The following SMAD7 variants were observed in gnomAD, a reference collection of about 807,000 sequenced individuals.
SMAD7 encodes the protein MAD (mothers against decapentaplegic, Drosophila) homolog 7.
A neutral mutation model predicts 38.7 loss-of-function variants in SMAD7; 8 were observed. That is an observed-to-expected ratio of 0.21 (90% CI 0.12 to 0.37). The LOEUF is 0.37. SMAD7 is among the 10% of genes least tolerant of loss of function. SMAD7 has a pLI of 1.00. For synonymous variants in SMAD7, 327 were observed against 265.1 expected (o/e 1.23, Z -2.27); for missense variants, 477 against 577.9 (o/e 0.83, Z 1.79).
At chr18:48,939,028 T>C (rs1234431861) in intron 3 of SMAD7, among the ~76,000 whole-genome samples, 1 of 152,154 alleles carries the variant, frequency 6.6e-6, no homozygotes, top group Non-Finnish European at 1.5e-5. Flanking sequence ...GAGGCCGCCC[T>C]GACATCAACC....
In SMAD7 at chr18:48,949,363, T is replaced by G. The variant is rs78673571; in HGVS notation, c.613+449A>C. 3.0e-4 allele frequency: 206 copies of G among 697,140 alleles called. 1 individual carries two copies. The East Asian group carries it at 0.023, about 78-fold the overall frequency. The allele number at this position is 697,140 out of a possible 1,614,324, so 43.2% of individuals were successfully genotyped here. A position where few individuals can be genotyped will look rare whatever the true frequency, so the allele number is the denominator to read the frequency against. On this transcript the variant is annotated intron_variant, in intron 1 of 3. Coordinates refer to ENST00000262158, the MANE Select transcript of SMAD7 (RefSeq NM_005904.4). ...GAGTAAATACGGAGACCTTCCAGCCTTTATAGCACGCCTCTCCCAGCCTTC... is the reference window on the plus strand; with the variant it reads ...GAGTAAATACGGAGACCTTCCAGCCGTTATAGCACGCCTCTCCCAGCCTTC...
In SMAD7 at chr18:48,950,297, G is replaced by A. The variant is rs1161315313; in HGVS notation, c.128C>T (p.Thr43Met). ...ACCGGCCCCATGCGCTCGGCTGTCCGTCGCCCCTTCTCCCCGCAGCTCGCC... is the reference window on the plus strand; with the variant it reads ...ACCGGCCCCATGCGCTCGGCTGTCCATCGCCCCTTCTCCCCGCAGCTCGCC... ...GGGELRGEGA[T>M]DSRAHGAGGG... The change falls in exon 1 of 4, where the codon ACG (threonine) becomes ATG (methionine). Residue 43 changes from threonine (T) to methionine (M), a missense_variant. This residue lies in a region of SMAD7 where 376 missense variants were observed against 379.4 expected (regional missense o/e 0.99). Coordinates refer to ENST00000262158, the MANE Select transcript of SMAD7 (RefSeq NM_005904.4). The A allele has an allele frequency of 6.5e-7, 1 of 1,531,248 alleles. No homozygotes were observed. The highest frequency in any genetic ancestry group is 1.2e-5 in the South Asian group (1 of 82,768). 94.9% of individuals were successfully genotyped at this position (1,531,248 alleles called of 1,614,324 possible). A position where few individuals can be genotyped will look rare whatever the true frequency, so the allele number is the denominator to read the frequency against.
chr18:48,929,346 C>T (rs2069965015), intron 3 of SMAD7, among the ~76,000 whole-genome samples: 1 of 152,086 alleles, frequency 6.6e-6, no homozygotes, highest in Non-Finnish European at 1.5e-5. Flanking sequence ...CAGGAAGACA[C>T]AAGGGCTGGG....
chr18:48,936,080 A>T (rs2070061540), intron 3 of SMAD7, among the ~76,000 whole-genome samples: 1 of 23,954 alleles, frequency 4.2e-5, no homozygotes, highest in Non-Finnish European at 6.1e-5. Flanking sequence ...ATCTCAAAAC[A>T]CACACACACA....
chr18:48,942,722 A>G (rs976551229), intron 2 of SMAD7, 167 bp from the exon 3 acceptor site: 4 of 1,493,938 alleles, frequency 2.7e-6, no homozygotes, highest in Admixed American at 4.9e-5. Flanking sequence ...TTCACTGCCC[A>G]TCGTAAGACA....
chr18:48,934,022 G>A (rs909957258), intron 3 of SMAD7, among the ~76,000 whole-genome samples: 1 of 152,180 alleles, frequency 6.6e-6, no homozygotes, highest in African/African-American at 2.4e-5. Flanking sequence ...AGCACGGGCC[G>A]GGGCACTGTC....
intron 1 of SMAD7, chr18:48,949,458 A>ACC (rs143990243): frequency 3.5e-5 from 6 of 172,634 alleles, no homozygotes; most frequent in Non-Finnish European, 5.8e-5. Flanking sequence ...GGGAGGCGTG[A>ACC]CCCCCCCACC....
intron 2 of SMAD7, among the ~76,000 whole-genome samples, chr18:48,947,221 G>A (rs1050297718): frequency 8.5e-5 from 13 of 152,244 alleles, no homozygotes; most frequent in Admixed American, 3.9e-4. Context: ...TTATTAGACC[G>A]GCACCAGGCA....
chr18:48,938,907 A>C (rs1434271586), intron 3 of SMAD7, among the ~76,000 whole-genome samples: 1 of 152,162 alleles, frequency 6.6e-6, no homozygotes, highest in African/African-American at 2.4e-5. Context: ...CCTGTTCTGG[A>C]GTTGCATGCC....
chr18:48,949,653 G>A (rs919905878), intron 1 of SMAD7, among the ~76,000 whole-genome samples, 159 bp downstream of exon 1: 4 of 149,156 alleles, frequency 2.7e-5, no homozygotes, highest in Non-Finnish European at 5.9e-5. Flanking sequence ...TCTCTTCCCA[G>A]GAGGGTATGC....
At chr18:48,947,892 A>AACCC (rs1491506031) in intron 2 of SMAD7, among the ~76,000 whole-genome samples, 5 of 113,196 alleles carry the variant, frequency 4.4e-5, no homozygotes, top group South Asian at 3.2e-4. Flanking sequence ...GGAGGAACCT[A>AACCC]CCCCCCCCCC....
At chr18:48,936,117 C>CACACACACACACACA (rs1211505658) in intron 3 of SMAD7, among the ~76,000 whole-genome samples, 1 of 14,250 alleles carries the variant, frequency 7.0e-5, no homozygotes, top group Non-Finnish European at 1.3e-4. Context: ...CACACACACA[C>CACACACACACACACA]CACACACACA....
chr18:48,926,456 G>A (rs1431876609), intron 3 of SMAD7, among the ~76,000 whole-genome samples: 2 of 152,246 alleles, frequency 1.3e-5, no homozygotes, highest in African/African-American at 2.4e-5. Context: ...TCATCTCTGT[G>A]AGGCACTTGG....
At chr18:48,923,950 G>T (rs1173201615) in intron 3 of SMAD7, among the ~76,000 whole-genome samples, 4 of 152,138 alleles carry the variant, frequency 2.6e-5, no homozygotes, top group Non-Finnish European at 5.9e-5. Context: ...ATAAACTTGT[G>T]AGCGCTGGCA....
intron 3 of SMAD7, among the ~76,000 whole-genome samples, chr18:48,929,138 G>A (rs1459026462): frequency 1.3e-5 from 2 of 152,130 alleles, no homozygotes; most frequent in South Asian, 2.1e-4. Context: ...GCATGCAGTC[G>A]AATCATTTCT....
rs531280448 is a variant in SMAD7, at chr18:48,933,203, T to G, written c.742+9278A>C. On this transcript the variant is annotated intron_variant, in intron 3 of 3. Coordinates refer to ENST00000262158, the MANE Select transcript of SMAD7 (RefSeq NM_005904.4). ...CACACAACCAAAGCAGAAGTAGAAGTGGATGACTCAAGAGCTAGGCCCATC... is the reference window on the plus strand; with the variant it reads ...CACACAACCAAAGCAGAAGTAGAAGGGGATGACTCAAGAGCTAGGCCCATC... Among the ~76,000 whole-genome samples, 12 of 152,308 alleles carry G rather than the reference T, an allele frequency of 7.9e-5. No individual in the cohort carries two copies. The South Asian group carries it at 2.5e-3, about 32-fold the overall frequency.
At chr18:48,943,120 G>A (rs941579404) in intron 2 of SMAD7, among the ~76,000 whole-genome samples, 2 of 152,162 alleles carry the variant, frequency 1.3e-5, no homozygotes, top group African/African-American at 2.4e-5. Context: ...TGTTACTCAT[G>A]TATACATCTG....
intron 3 of SMAD7, among the ~76,000 whole-genome samples, chr18:48,925,708 C>T (rs1039476068): frequency 2.6e-5 from 4 of 152,082 alleles, no homozygotes; most frequent in African/African-American, 9.7e-5. Context: ...CTCAAGGCCA[C>T]ATTTTAGGTT....
intron 3 of SMAD7, among the ~76,000 whole-genome samples, chr18:48,928,561 C>T (rs1003013254): frequency 3.3e-5 from 5 of 152,098 alleles, no homozygotes; most frequent in East Asian, 1.9e-4. Context: ...CACTGTCATC[C>T]GTCCACTGTC....
Sources: allele counts gnomAD v4.1 joint callset (sites outside exome capture counted in the v4.1 genomes callset), GRCh38; gene constraint gnomAD v4.1.1; regional missense constraint gnomAD v4.1.1; transcripts MANE v1.5; gene names NCBI Gene and HGNC (gene_info 2026-07-23, HGNC 2026-07-21).